Variants in VPS8 observed in about 807,000 individuals in gnomAD.
VPS8 encodes the protein VPS8 subunit of CORVET complex, also known as vacuolar protein sorting-associated protein 8 homolog.
VPS8 carries 129 observed loss-of-function variants against 216.4 expected under a neutral mutation model. That is an observed-to-expected ratio of 0.60 (90% CI 0.52 to 0.69). The LOEUF is 0.69. VPS8 is among the 30% of genes least tolerant of loss of function. VPS8 has a pLI of 0.00. For missense variants in VPS8, 1,531 were observed against 1,683.5 expected (o/e 0.91, Z 1.59); for synonymous variants, 571 against 565.4 (o/e 1.01, Z -0.14).
rs370015353 is a variant in VPS8 at position 184,982,584 on chromosome 3, T to C, written c.3439T>C (p.Leu1147=). 1.9e-5 allele frequency: 31 copies of C among 1,613,268 alleles called. No homozygotes were observed. The highest frequency in any genetic ancestry group is 2.4e-5 in the Non-Finnish European group (28 of 1,179,692). The stretch of plus-strand genomic sequence containing the variant: ...ATTATAGGCACTTTGGTTTCCGTTA[T>C]TGGAGGCAATGATGGCCCCTCAGAA... The part of the protein sequence containing the change: ...QQREALWFPL[L]EAMMAPQKLS... The change falls in exon 41 of 48, where the codon TTG becomes CTG. Residue 1147 remains leucine, a synonymous_variant. Coordinates refer to ENST00000625842, the MANE Select transcript of VPS8 (RefSeq NM_001009921.3).
At chr3:184,834,882 G>C (rs541117002) in intron 5 of VPS8, 140 bp downstream of exon 5, 1 of 625,636 alleles carries the variant, frequency 1.6e-6, no homozygotes, top group Non-Finnish European at 2.6e-6. Flanking sequence ...GTTTTTGTGT[G>C]ATGATTTTTG....
chr3:185,051,721 C>T (rs1714283957), intron 47 of VPS8, among the ~76,000 whole-genome samples, 155 bp from the exon 48 acceptor site: 1 of 152,210 alleles, frequency 6.6e-6, no homozygotes, highest in Admixed American at 6.5e-5. Context: ...AGTCACACTG[C>T]TCGTTTGTGA....
intron 25 of VPS8, among the ~76,000 whole-genome samples, chr3:184,908,407 A>G (rs1012177941): frequency 6.6e-6 from 1 of 152,182 alleles, no homozygotes; most frequent in Non-Finnish European, 1.5e-5. Context: ...CCGGCTGGCC[A>G]CTCCAAGTGC....
In VPS8 at chr3:184,894,761, G is replaced by A. The variant is rs370354028; in HGVS notation, c.1840G>A (p.Val614Ile). Residue 614 changes from valine (V) to isoleucine (I), a missense_variant, in exon 23 of 48, where the codon GTA (valine) becomes ATA (isoleucine). By Grantham distance (29) the Val-to-Ile change is conservative. Coordinates refer to ENST00000625842, the MANE Select transcript of VPS8 (RefSeq NM_001009921.3). ...AAGTGAGAATTCAGTGGCCAAAGGA[G>A]TATTTTTGGAGTGCCTTGAGCCATA... Reference protein sequence around the residue: ...KLSENSVAKGVFLECLEPYIL... With the variant: ...KLSENSVAKGIFLECLEPYIL... The A allele has an allele frequency of 9.9e-6, 16 of 1,609,738 alleles. No homozygotes were observed. The South Asian group carries it at 1.7e-4, about 17-fold the overall frequency.
chr3:184,984,035 A>G (rs1001522588), intron 42 of VPS8, among the ~76,000 whole-genome samples: 12 of 149,188 alleles, frequency 8.0e-5, no homozygotes, highest in Non-Finnish European at 1.5e-5. Flanking sequence ...ATACAAAAAA[A>G]TAGCCGGGCA....
rs968023883 is a variant in VPS8, at chr3:184,830,161, A to AT, written c.223-2520dup. Among the ~76,000 whole-genome samples, 9 of 151,206 alleles carry AT rather than the reference A, an allele frequency of 6.0e-5. No individual in the cohort carries two copies. In the East Asian group the frequency reaches 7.7e-4, roughly 13 times the overall value. The stretch of plus-strand genomic sequence containing the variant: ...TATGTAGATCTGTAATTCATCTGGA[A>AT]TTTTTTTTGGGTGTGATAGTGTGAG... On this transcript the variant is annotated intron_variant, in intron 3 of 47. Coordinates refer to ENST00000625842, the MANE Select transcript of VPS8 (RefSeq NM_001009921.3).
At chr3:184,861,819 G>A (rs1726430242) in intron 15 of VPS8, among the ~76,000 whole-genome samples, 1 of 152,112 alleles carries the variant, frequency 6.6e-6, no homozygotes, top group African/African-American at 2.4e-5. Context: ...ACCTCTGAGA[G>A]TACCTAAGAA....
intron 14 of VPS8, among the ~76,000 whole-genome samples, chr3:184,858,411 C>G (rs1725678886): frequency 6.6e-6 from 1 of 152,118 alleles, no homozygotes; most frequent in Non-Finnish European, 1.5e-5. Context: ...GTGATGATAC[C>G]AGCCATATAG....
At chr3:184,901,643 A>G (rs1578156970) in intron 25 of VPS8, among the ~76,000 whole-genome samples, 1 of 152,146 alleles carries the variant, frequency 6.6e-6, no homozygotes, top group Non-Finnish European at 1.5e-5. Flanking sequence ...AAAGTACAAT[A>G]TCACTACTGG....
intron 10 of VPS8, among the ~76,000 whole-genome samples, chr3:184,851,634 C>G (rs1241158179): frequency 6.6e-6 from 1 of 152,122 alleles, no homozygotes; most frequent in African/African-American, 2.4e-5. Context: ...ATATGCTTCC[C>G]ACTCTGGCAA....
chr3:185,052,171 A>T lies in VPS8; in HGVS notation c.*146A>T, dbSNP rs1309730881. On this transcript the variant is annotated 3_prime_UTR_variant, in exon 48 of 48. Transcript: ENST00000625842. ...TTGGGCTTCTGTGCCCAGAGCGTCC[A>T]CAGCACCATTCCCAGTGTAGACTCC... 1 of 807,872 alleles carries T rather than the reference A, an allele frequency of 1.2e-6. No homozygotes were observed. Among genetic ancestry groups the T allele is most frequent in the East Asian group, 2.9e-5 (1 of 34,500 alleles). 50.0% of individuals were successfully genotyped at this position (807,872 alleles called of 1,614,324 possible).
intron 28 of VPS8, among the ~76,000 whole-genome samples, chr3:184,916,267 G>A: frequency 6.6e-6 from 1 of 152,210 alleles, no homozygotes; most frequent in East Asian, 1.9e-4. Flanking sequence ...CCCCTGGGGA[G>A]TAATTAGATA....
intron 25 of VPS8, among the ~76,000 whole-genome samples, chr3:184,909,362 A>AAG (rs1736071158): frequency 6.6e-6 from 1 of 152,116 alleles, no homozygotes; most frequent in Non-Finnish European, 1.5e-5. Flanking sequence ...CAGTGTTTGT[A>AAG]TTGCTTTTAT....
intron 22 of VPS8, among the ~76,000 whole-genome samples, chr3:184,892,978 CTGTT>C (rs566391412): frequency 4.2e-4 from 64 of 152,198 alleles, no homozygotes; most frequent in African/African-American, 1.5e-3. Flanking sequence ...CCATTAATCT[CTGTT>C]TGTTTTGCTT....
In VPS8 at chr3:184,824,753, A is replaced by G. The variant is rs745481716; in HGVS notation, c.121A>G (p.Met41Val). ...ASLSKFSYID[M>V]DKELEFKNDL... The stretch of plus-strand genomic sequence containing the variant: ...ACTTTCAAAATTCTCTTACATAGAT[A>G]TGGACAAGGAACTGGAGTTCAAAAA... The change falls in exon 2 of 48, where the codon ATG becomes GTG. Residue 41 changes from methionine to valine, a missense_variant. This residue lies in a region of VPS8 where 199 missense variants were observed against 182.2 expected (regional missense o/e 1.09). Coordinates refer to ENST00000625842, the MANE Select transcript of VPS8 (RefSeq NM_001009921.3). The G allele has an allele frequency of 1.2e-6, 2 of 1,613,122 alleles. No homozygotes were observed. The highest frequency in any genetic ancestry group is 2.2e-5 in the East Asian group (1 of 44,860).
chr3:184,990,448 AT>A (rs891803278), intron 42 of VPS8, among the ~76,000 whole-genome samples: 2 of 152,216 alleles, frequency 1.3e-5, no homozygotes, highest in African/African-American at 4.8e-5. Flanking sequence ...GTATATGCCC[AT>A]TAAATATTAG....
chr3:184,893,211 G>C, intron 22 of VPS8: 1 of 1,250,120 alleles, frequency 8.0e-7, no homozygotes, highest in Non-Finnish European at 1.0e-6. Flanking sequence ...TAGCCAGTCT[G>C]TTTTCCATCT....
intron 42 of VPS8, among the ~76,000 whole-genome samples, chr3:184,989,100 T>G (rs1229987289): frequency 6.6e-6 from 1 of 152,214 alleles, no homozygotes; most frequent in Non-Finnish European, 1.5e-5. Context: ...GTATATCTTT[T>G]GTTTCCTTTT....
intron 21 of VPS8, among the ~76,000 whole-genome samples, chr3:184,872,830 G>A (rs545261932): frequency 6.6e-6 from 1 of 152,108 alleles, no homozygotes; most frequent in Non-Finnish European, 1.5e-5. Context: ...TCCAAAAAAA[G>A]AATGGGTTCA....
Sources: allele counts gnomAD v4.1 joint callset (sites outside exome capture counted in the v4.1 genomes callset), GRCh38; gene constraint gnomAD v4.1.1; regional missense constraint gnomAD v4.1.1; transcripts MANE v1.5; gene names NCBI Gene and HGNC (gene_info 2026-07-23, HGNC 2026-07-21).